Variants in TYW1B observed in about 807,000 individuals in gnomAD.
The protein encoded by TYW1B is tRNA-yW synthesizing protein 1 homolog B, also known as S-adenosyl-L-methionine-dependent tRNA 4-demethylwyosine synthase TYW1B.
Under a neutral mutation model 86.9 loss-of-function variants are expected in TYW1B, and 73 were observed. The observed-to-expected ratio is 0.84, with a 90% CI of 0.70 to 1.02. The LOEUF (loss-of-function observed/expected upper bound fraction) is 1.02. TYW1B is among the 50% of genes least tolerant of loss of function. The pLI, the probability that TYW1B is intolerant of heterozygous loss-of-function variation, is 0.00. For synonymous variants in TYW1B, 248 were observed against 292.8 expected (o/e 0.85, Z 1.56); for missense variants, 637 against 827.4 (o/e 0.77, Z 2.82).
intron 11 of TYW1B, among the ~76,000 whole-genome samples, chr7:72,664,360 T>A (rs753209037): frequency 6.6e-6 from 1 of 152,206 alleles, no homozygotes; most frequent in Non-Finnish European, 1.5e-5. Flanking sequence ...CTTAGCTTAC[T>A]GAGGTAACTA....
At chr7:72,803,774 C>T (rs1480402567) in intron 5 of TYW1B, among the ~76,000 whole-genome samples, 4 of 151,770 alleles carry the variant, frequency 2.6e-5, no homozygotes, top group Admixed American at 6.6e-5. Context: ...CCATCACACC[C>T]GGCTAATTTT....
At chr7:72,592,318 T>C (rs1268067593) in intron 13 of TYW1B, among the ~76,000 whole-genome samples, 2 of 152,164 alleles carry the variant, frequency 1.3e-5, no homozygotes, top group African/African-American at 4.8e-5. Context: ...GTTAAGCTGG[T>C]ATAAATTAAA....
At position 72,616,758 on chromosome 7, in the gene TYW1B, C is replaced by T; in HGVS notation, c.1699G>A (p.Val567Ile). ...VPWHEEVVQF[V>I]RELVDLIPEY... Reference sequence around the variant, plus strand: ...GGGATCAGATCCACCAGCTCGCGGACAAACTGTACCACTTCCTCATGCCAG... The same window carrying T: ...GGGATCAGATCCACCAGCTCGCGGATAAACTGTACCACTTCCTCATGCCAG... Residue 567 changes from valine (V) to isoleucine (I), a missense_variant, in exon 13 of 14, where the codon GTC becomes ATC. Val to Ile is a conservative substitution (Grantham distance 29, BLOSUM62 3). Coordinates refer to ENST00000620995, the MANE Select transcript of TYW1B (RefSeq NM_001145440.3). 6.2e-7 allele frequency: 1 copy of T among 1,614,200 alleles called. No individual in the cohort carries two copies. Among genetic ancestry groups the T allele is most frequent in the Middle Eastern group, 1.7e-4 (1 of 6,060 alleles).
At chr7:72,774,687 C>A (rs1378816405) in intron 7 of TYW1B, among the ~76,000 whole-genome samples, 1 of 151,940 alleles carries the variant, frequency 6.6e-6, no homozygotes, top group Non-Finnish European at 1.5e-5. Flanking sequence ...GCCAAGATCA[C>A]GCCACTGCGC....
intron 8 of TYW1B, among the ~76,000 whole-genome samples, chr7:72,739,462 A>C (rs577764558): frequency 6.6e-6 from 1 of 151,804 alleles, no homozygotes; most frequent in Non-Finnish European, 1.5e-5. Context: ...AAAAATTAGC[A>C]GGGCATGGTG....
intron 10 of TYW1B, among the ~76,000 whole-genome samples, chr7:72,709,119 A>G (rs1473947688): frequency 6.6e-6 from 1 of 152,218 alleles, no homozygotes; most frequent in East Asian, 1.9e-4. Context: ...GACTTCCATT[A>G]TCAGAAATTC....
chr7:72,805,950 G>A (rs1206395761), intron 5 of TYW1B, among the ~76,000 whole-genome samples: 1 of 152,214 alleles, frequency 6.6e-6, no homozygotes, highest in Admixed American at 6.6e-5. Context: ...CCTGAAGACA[G>A]GAGCTTCAAA....
chr7:72,601,024 G>A (rs1811652676), intron 13 of TYW1B, among the ~76,000 whole-genome samples: 1 of 151,956 alleles, frequency 6.6e-6, no homozygotes, highest in African/African-American at 2.4e-5. Flanking sequence ...GGGTGTGGTG[G>A]CAGGCACCTG....
chr7:72,634,914 A>C (rs1213337685), intron 11 of TYW1B, among the ~76,000 whole-genome samples: 1 of 152,284 alleles, frequency 6.6e-6, no homozygotes, highest in East Asian at 1.9e-4. Flanking sequence ...ATTAGAAATA[A>C]TTTCATCCAC....
intron 2 of TYW1B, among the ~76,000 whole-genome samples, chr7:72,825,571 T>G (rs1252691719): frequency 1.3e-5 from 2 of 152,052 alleles, no homozygotes; most frequent in African/African-American, 4.8e-5. Context: ...TCCCAGCTAC[T>G]CGGGAGGCTG....
At chr7:72,691,259 A>G (rs1420197908) in intron 11 of TYW1B, among the ~76,000 whole-genome samples, 1 of 152,208 alleles carries the variant, frequency 6.6e-6, no homozygotes, top group Non-Finnish European at 1.5e-5. Flanking sequence ...CTTCTCTCAC[A>G]AGGCAACAAA....
At chr7:72,580,482 T>C (rs1554429447) in intron 13 of TYW1B, among the ~76,000 whole-genome samples, 1 of 152,184 alleles carries the variant, frequency 6.6e-6, no homozygotes, top group Non-Finnish European at 1.5e-5. Context: ...AGGTCATAAA[T>C]GATCTTAAAA....
chr7:72,824,980 A>G lies in TYW1B; in HGVS notation c.135+1875T>C, dbSNP rs536375405. Among the ~76,000 whole-genome samples the G allele has an allele frequency of 2.6e-5, 4 of 150,984 alleles. No individual in the cohort carries two copies. In the South Asian group the frequency reaches 8.4e-4, roughly 32 times the overall value. ...TAGCTGGGTATGGTGGCATGCACCT[A>G]TAGTCCCAGATACTCAGGAGGCTGA... On this transcript the variant is annotated intron_variant, in intron 2 of 13. Coordinates refer to ENST00000620995, the MANE Select transcript of TYW1B (RefSeq NM_001145440.3).
chr7:72,761,168 A>T, intron 7 of TYW1B, among the ~76,000 whole-genome samples: 1 of 152,160 alleles, frequency 6.6e-6, no homozygotes, highest in East Asian at 1.9e-4. Flanking sequence ...TACTCATTAA[A>T]TGTCTGGGTT....
At position 72,575,564 on chromosome 7, in the gene TYW1B, T is replaced by A. The variant is rs1811001358; in HGVS notation, c.1941A>T (p.Arg647Ser). ...GTCTTGTGTCCTTGGGATCAAAGCT[T>A]CTTTCATTGGCACCAAATAATGCCC... ...PHWALFGANE[R>S]SFDPKDTRHQ... Residue 647 changes from arginine to serine, a missense_variant, in exon 14 of 14, where the codon AGA (arginine) becomes AGT (serine). Coordinates refer to ENST00000620995, the MANE Select transcript of TYW1B (RefSeq NM_001145440.3). The A allele has an allele frequency of 1.9e-6, 3 of 1,613,968 alleles. No individual in the cohort carries two copies. Among genetic ancestry groups the A allele is most frequent in the East Asian group, 4.5e-5 (2 of 44,882 alleles).
chr7:72,752,296 G>A (rs1380398115), intron 7 of TYW1B, among the ~76,000 whole-genome samples: 1 of 107,238 alleles, frequency 9.3e-6, no homozygotes, highest in Admixed American at 1.1e-4. Context: ...AAGCAAATCA[G>A]TGGTTTCCAG....
At chr7:72,634,567 T>C (rs1197841999) in intron 11 of TYW1B, among the ~76,000 whole-genome samples, 2 of 150,296 alleles carry the variant, frequency 1.3e-5, no homozygotes, top group Admixed American at 6.7e-5. Context: ...ATGGGGGATA[T>C]GTATACATTC....
chr7:72,802,832 G>T (rs1252097273), intron 5 of TYW1B, among the ~76,000 whole-genome samples: 1 of 152,080 alleles, frequency 6.6e-6, no homozygotes, highest in Non-Finnish European at 1.5e-5. Flanking sequence ...TGTTGGCCAG[G>T]CTGGTCTCGA....
At chr7:72,784,304 A>T (rs1554472089) in intron 6 of TYW1B, among the ~76,000 whole-genome samples, 1 of 152,214 alleles carries the variant, frequency 6.6e-6, no homozygotes, top group East Asian at 1.9e-4. Context: ...AGCCAAGAGG[A>T]GTGACACAGA....
Sources: gnomAD v4.1 joint callset for allele counts (sites outside exome capture counted in the v4.1 genomes callset) on GRCh38, gnomAD v4.1.1 for gene constraint, MANE v1.5 for transcripts, NCBI Gene and HGNC (gene_info 2026-07-23, HGNC 2026-07-21) for gene names.